The following DOCK5 variants were observed in gnomAD, a reference collection of about 807,000 sequenced individuals.
DOCK5 encodes the protein dedicator of cytokinesis protein 5.
Under a neutral mutation model 251.8 loss-of-function variants are expected in DOCK5, and 142 were observed. That is an observed-to-expected ratio of 0.56 (90% CI 0.49 to 0.65). DOCK5 has a LOEUF of 0.65. Among genes scored for constraint, DOCK5 ranks in the 30% least tolerant of loss-of-function variants. The pLI is 0.00. For synonymous variants in DOCK5, 842 were observed against 835.5 expected, an observed-to-expected ratio of 1.01 and a Z score of -0.13; for missense variants, 2,111 against 2,312.3, an observed-to-expected ratio of 0.91 and a Z score of 1.79.
chr8:25,268,773 G>A (rs1388360330), intron 2 of DOCK5, 72 bp from the exon 3 acceptor site: 1 of 1,276,602 alleles, frequency 7.8e-7, no homozygotes, highest in Non-Finnish European at 1.1e-6. Context: ...GAACATGAGA[G>A]TATATATTGC....
chr8:25,328,609 T>A (rs1481934257), intron 18 of DOCK5, among the ~76,000 whole-genome samples: 3 of 152,192 alleles, frequency 2.0e-5, no homozygotes, highest in East Asian at 3.9e-4. Context: ...AAGGCATTTC[T>A]CCTTCGCCTG....
chr8:25,268,352 C>G (rs1003843278), intron 2 of DOCK5, among the ~76,000 whole-genome samples: 11 of 152,008 alleles, frequency 7.2e-5, no homozygotes, highest in African/African-American at 2.4e-4. Context: ...TCTGCTAGTT[C>G]AATTTAAAAT....
intron 1 of DOCK5, among the ~76,000 whole-genome samples, chr8:25,240,957 T>A (rs986070297): frequency 6.6e-6 from 1 of 152,166 alleles, no homozygotes; most frequent in Non-Finnish European, 1.5e-5. Flanking sequence ...TGACTTGCAG[T>A]CACATCAGTT....
rs531359663 is a variant in DOCK5 at position 25,341,820 on chromosome 8, A to C, written c.2510+11A>C. Reference sequence around the variant, plus strand: ...TCCTGTTGAGCTCAGGTAAATAGCAAAACAAAATTTTGTTCCTTAACTCTA... The same window carrying C: ...TCCTGTTGAGCTCAGGTAAATAGCACAACAAAATTTTGTTCCTTAACTCTA... On this transcript the variant is annotated intron_variant, in intron 24 of 51. Transcript: ENST00000276440. 2.9e-5 allele frequency: 45 copies of C among 1,558,128 alleles called. No homozygotes were observed. Among genetic ancestry groups the C allele is most frequent in the Admixed American group, 2.3e-4 (12 of 51,502 alleles).
chr8:25,292,302 G>A lies in DOCK5; in HGVS notation c.470+130G>A, dbSNP rs1348250736. The A allele has an allele frequency of 2.4e-5, 26 of 1,101,952 alleles. No homozygotes were observed. The Admixed American group carries it at 8.5e-4, about 36-fold the overall frequency. 68.3% of individuals were successfully genotyped at this position (1,101,952 alleles called of 1,614,324 possible). ...GAATAATGCTTACTGCTCTCATTTT[G>A]TCTTTGAAGACATTTAATTTTGTTG... On this transcript the variant is annotated intron_variant, in intron 6 of 51. Transcript: ENST00000276440.
chr8:25,312,059 G>A lies in DOCK5; in HGVS notation c.1318+1527G>A, dbSNP rs573596281. ...GGTCTTAAATGAGTATTTGTGGAAGGAATGAATAAAAATGTTATAAAATGG... is the reference window on the plus strand; with the variant it reads ...GGTCTTAAATGAGTATTTGTGGAAGAAATGAATAAAAATGTTATAAAATGG... On this transcript the variant is annotated intron_variant, in intron 13 of 51. Coordinates refer to ENST00000276440, the MANE Select transcript of DOCK5 (RefSeq NM_024940.8). Among the ~76,000 whole-genome samples, 129 of 152,230 alleles carry A rather than the reference G, an allele frequency of 8.5e-4. 4 individuals carry two copies. In the South Asian group the frequency reaches 0.026, roughly 31 times the overall value.
chr8:25,365,674 A>G (rs1037017991), intron 30 of DOCK5, among the ~76,000 whole-genome samples: 6 of 152,144 alleles, frequency 3.9e-5, no homozygotes, highest in African/African-American at 2.4e-5. Flanking sequence ...GAGGGGACTA[A>G]TCAGAGGTAC....
intron 13 of DOCK5, 122 bp downstream of exon 13, chr8:25,310,654 C>G (rs1805066219): frequency 1.7e-6 from 2 of 1,169,692 alleles, no homozygotes; most frequent in Non-Finnish European, 2.3e-6. Flanking sequence ...TCCTGAGACA[C>G]CTGGGACACA....
chr8:25,383,270 C>G (rs1311546422), intron 40 of DOCK5, among the ~76,000 whole-genome samples: 1 of 152,168 alleles, frequency 6.6e-6, no homozygotes, highest in Non-Finnish European at 1.5e-5. Flanking sequence ...AAATTCTTAT[C>G]TCTTACGAAA....
intron 48 of DOCK5, 30 bp from the exon 49 acceptor site, chr8:25,407,953 G>C (rs745324696): frequency 1.9e-6 from 3 of 1,597,104 alleles, no homozygotes; most frequent in Non-Finnish European, 2.6e-6. Context: ...ATCAGTATTT[G>C]TGATGTTTGT....
chr8:25,327,579 T>G (rs1418512755), intron 18 of DOCK5, among the ~76,000 whole-genome samples: 1 of 152,162 alleles, frequency 6.6e-6, no homozygotes, highest in Non-Finnish European at 1.5e-5. Flanking sequence ...AAATGTAGGG[T>G]TTCCTGACAA....
chr8:25,228,052 CT>C (rs1050141939), intron 1 of DOCK5, among the ~76,000 whole-genome samples: 15 of 151,988 alleles, frequency 9.9e-5, no homozygotes, highest in African/African-American at 3.6e-4. Flanking sequence ...ACCTGGCTAA[CT>C]TTTTGTAGAG....
intron 1 of DOCK5, among the ~76,000 whole-genome samples, chr8:25,214,784 A>C (rs1157886490): frequency 6.6e-6 from 1 of 152,194 alleles, no homozygotes; most frequent in Non-Finnish European, 1.5e-5. Flanking sequence ...AGAGAGGATC[A>C]GGATGTTGGG....
At chr8:25,251,144 T>A (rs1457898576) in intron 2 of DOCK5, among the ~76,000 whole-genome samples, 4 of 152,178 alleles carry the variant, frequency 2.6e-5, no homozygotes, top group African/African-American at 9.7e-5. Context: ...ATCGATTAAC[T>A]CTTTTTCTGC....
intron 5 of DOCK5, among the ~76,000 whole-genome samples, chr8:25,284,069 C>T (rs1369828024): frequency 6.6e-6 from 1 of 152,156 alleles, no homozygotes; most frequent in African/African-American, 2.4e-5. Flanking sequence ...AAATGACAAA[C>T]CCAGTAATAG....
In DOCK5 at chr8:25,408,134, G is replaced by C. The variant is rs572652234; in HGVS notation, c.5245G>C (p.Ala1749Pro). 6.3e-7 allele frequency: 1 copy of C among 1,592,652 alleles called. No individual in the cohort carries two copies. The highest frequency in any genetic ancestry group is 8.5e-7 in the Non-Finnish European group (1 of 1,169,690). Residue 1749 changes from alanine to proline, a missense_variant, in exon 49 of 52, where the codon GCA becomes CCA. This residue lies in a region of DOCK5 where 1,717 missense variants were observed against 1,892.4 expected (regional missense o/e 0.91). Transcript: ENST00000276440. ...CAAGTCCCAGGTCATTGCAGAGAAAGCACCAGAACCCGATTTGATGGTAAA... is the reference window on the plus strand; with the variant it reads ...CAAGTCCCAGGTCATTGCAGAGAAACCACCAGAACCCGATTTGATGGTAAA... ...LSKSQVIAEKAPEPDLMSPTR... is the reference protein window; with the variant it reads ...LSKSQVIAEKPPEPDLMSPTR...
chr8:25,250,901 A>G (rs1191693952), intron 2 of DOCK5, among the ~76,000 whole-genome samples: 1 of 152,210 alleles, frequency 6.6e-6, no homozygotes, highest in East Asian at 1.9e-4. Flanking sequence ...AAGATATTGC[A>G]GCTGTCTTTG....
rs564264937 is a variant in DOCK5, at chr8:25,199,380, C to CTTTT, written c.43+14445_43+14448dup. Among the ~76,000 whole-genome samples, 99 of 117,858 alleles carry CTTTT rather than the reference C, an allele frequency of 8.4e-4. 1 individual carries two copies. The highest frequency in any genetic ancestry group is 1.6e-3 in the African/African-American group (49 of 30,112). 77.3% of individuals were successfully genotyped at this position (117,858 alleles called of 152,430 possible). A position where few individuals can be genotyped will look rare whatever the true frequency, so the allele number is the denominator to read the frequency against. ...CCTCAGCTTCCATTTCCGCTCTGTT[C>CTTTT]TTTTTTTTTTTTTTTTTTTGTGAGA... On this transcript the variant is annotated intron_variant, in intron 1 of 51. Coordinates refer to ENST00000276440, the MANE Select transcript of DOCK5 (RefSeq NM_024940.8).
At chr8:25,346,697 G>A (rs566173535) in intron 26 of DOCK5, among the ~76,000 whole-genome samples, 5 of 144,350 alleles carry the variant, frequency 3.5e-5, no homozygotes, top group Admixed American at 2.8e-4. Context: ...GGTGGCACGC[G>A]CCTATAGTCC....
Sources: gnomAD v4.1 joint callset for allele counts (sites outside exome capture counted in the v4.1 genomes callset) on GRCh38, gnomAD v4.1.1 for gene constraint, gnomAD v4.1.1 regional missense constraint, MANE v1.5 for transcripts, NCBI Gene and HGNC (gene_info 2026-07-23, HGNC 2026-07-21) for gene names.